EIF3CL: variants seen among roughly 807,000 people sequenced by gnomAD.
EIF3CL encodes eukaryotic translation initiation factor 3 subunit C like, also known as eukaryotic translation initiation factor 3 subunit C-like protein.
For missense variants in EIF3CL, 5 were observed against 56.1 expected (o/e 0.09, Z 2.91); for synonymous variants, 2 against 19.6 (o/e 0.10, Z 2.37).
chr16:28,426,082 AACACACAC>A, the EIF3CL span, among the ~76,000 whole-genome samples: 1 of 103,894 alleles, frequency 9.6e-6, no homozygotes, highest in East Asian at 3.2e-4. Flanking sequence ...ACTCTGTCTC[AACACACAC>A]ACACACACAC....
intron 2 of EIF3CL, among the ~76,000 whole-genome samples, chr16:28,403,042 C>T (rs1225444976): frequency 7.1e-6 from 1 of 140,452 alleles, no homozygotes; most frequent in Non-Finnish European, 1.6e-5. Context: ...AATTAATGTA[C>T]AGAAATGGCG....
At chr16:28,405,867 ATC>A (rs1203498801), upstream of EIF3CL, among the ~76,000 whole-genome samples, 21 of 152,388 alleles carry the variant, frequency 1.4e-4, no homozygotes, top group Middle Eastern at 6.8e-3. Context: ...CTCTCTCCGT[ATC>A]TCTCTTTGTG....
intron 8 of EIF3CL, among the ~76,000 whole-genome samples, chr16:28,396,684 A>C (rs866871739): frequency 1.2e-5 from 1 of 82,380 alleles, no homozygotes; most frequent in Non-Finnish European, 3.2e-5. Context: ...AAAAAAAAAA[A>C]AAAAAACTTT....
At chr16:28,411,420 ATT>A in the EIF3CL span, among the ~76,000 whole-genome samples, 6 of 45,398 alleles carry the variant, frequency 1.3e-4, no homozygotes, top group Admixed American at 2.8e-4. Flanking sequence ...TCTCCTGTAG[ATT>A]TTTTTTTTTT....
the EIF3CL span, among the ~76,000 whole-genome samples, chr16:28,423,114 AG>A: frequency 9.6e-6 from 1 of 104,488 alleles, no homozygotes. Context: ...TGAGCATGAG[AG>A]GCAGAGGTTG....
At chr16:28,416,803 A>G in the EIF3CL span, among the ~76,000 whole-genome samples, 3 of 66,528 alleles carry the variant, frequency 4.5e-5, no homozygotes, top group Non-Finnish European at 6.3e-5. Context: ...CCGGGAGGTG[A>G]GGGGCGCCTC....
At chr16:28,425,596 G>A in the EIF3CL span, among the ~76,000 whole-genome samples, 2 of 104,064 alleles carry the variant, frequency 1.9e-5, no homozygotes, top group African/African-American at 4.2e-5. Flanking sequence ...AAACCCAAGG[G>A]CATGGACAAA....
At chr16:28,396,728 T>A in intron 8 of EIF3CL, among the ~76,000 whole-genome samples, 1 of 48,100 alleles carries the variant, frequency 2.1e-5, no homozygotes, top group African/African-American at 5.0e-5. Context: ...CATGTACACC[T>A]CAATAAAGCT....
chr16:28,417,739 G>C, the EIF3CL span, among the ~76,000 whole-genome samples: 14,675 of 110,464 alleles, frequency 0.13, 35 homozygotes, highest in Non-Finnish European at 0.19. Context: ...TTGTTTATCT[G>C]CTGACCTTCC....
At chr16:28,426,040 C>G in the EIF3CL span, among the ~76,000 whole-genome samples, 2 of 113,688 alleles carry the variant, frequency 1.8e-5, 1 homozygote, top group Non-Finnish European at 3.8e-5. Flanking sequence ...CGAGATCATG[C>G]CAGTGCACTC....
At chr16:28,425,551 C>T in the EIF3CL span, among the ~76,000 whole-genome samples, 2 of 107,682 alleles carry the variant, frequency 1.9e-5, 1 homozygote, top group Non-Finnish European at 3.8e-5. Flanking sequence ...TTACCGACGT[C>T]CAGTTCCCAT....
the EIF3CL span, among the ~76,000 whole-genome samples, chr16:28,419,238 C>G: frequency 1.3e-5 from 2 of 151,024 alleles, no homozygotes; most frequent in Non-Finnish European, 2.9e-5. Context: ...AATCTCCTGA[C>G]CTCGTGATCC....
At chr16:28,415,909 C>T in the EIF3CL span, among the ~76,000 whole-genome samples, 3 of 97,446 alleles carry the variant, frequency 3.1e-5, no homozygotes, top group East Asian at 3.4e-4. Flanking sequence ...CATGCGGAGC[C>T]GAAGCTGGAC....
At chr16:28,426,120 C>T in the EIF3CL span, among the ~76,000 whole-genome samples, 3 of 109,156 alleles carry the variant, frequency 2.7e-5, 1 homozygote, top group Non-Finnish European at 5.8e-5. Context: ...CACACACACA[C>T]GCAAACAACA....
At chr16:28,422,688 T>C in the EIF3CL span, among the ~76,000 whole-genome samples, 3 of 145,036 alleles carry the variant, frequency 2.1e-5, no homozygotes. Flanking sequence ...CAAAAAAAAA[T>C]TAGCCAGGTG....
the EIF3CL span, chr16:28,414,945 G>A: frequency 2.0e-6 from 1 of 504,834 alleles, no homozygotes; most frequent in African/African-American, 2.2e-5. Context: ...CGAGGCCAAG[G>A]AGGGAGAGGA....
upstream of EIF3CL, among the ~76,000 whole-genome samples, chr16:28,408,204 C>CAAAAAAAAAAAAAA (rs1224629208): frequency 2.1e-5 from 1 of 47,860 alleles, no homozygotes; most frequent in African/African-American, 9.0e-5. Context: ...ACCTTGTCGC[C>CAAAAAAAAAAAAAA]AAAAAAAAAA....
intron 15 of EIF3CL, among the ~76,000 whole-genome samples, chr16:28,387,585 C>T (rs1414412460): frequency 2.0e-5 from 3 of 150,226 alleles, no homozygotes; most frequent in Admixed American, 6.7e-5. Context: ...ACTGGGTGTC[C>T]GCCAAGAGGA....
the EIF3CL span, among the ~76,000 whole-genome samples, chr16:28,416,768 C>A: frequency 7.2e-5 from 8 of 110,568 alleles, no homozygotes; most frequent in African/African-American, 1.6e-4. Flanking sequence ...GGGGGTCAGC[C>A]CCCCCACCCG....
Sources: allele counts gnomAD v4.1 joint callset (sites outside exome capture counted in the v4.1 genomes callset), GRCh38; gene constraint gnomAD v4.1.1; transcripts MANE v1.5; gene names NCBI Gene and HGNC (gene_info 2026-07-23, HGNC 2026-07-21).